Variants in HOXA3 observed in about 807,000 individuals in gnomAD.
HOXA3 encodes homeobox protein Hox-A3.
Under a neutral mutation model 30.3 loss-of-function variants are expected in HOXA3, and 8 were observed. That is an observed-to-expected ratio of 0.26 (90% CI 0.15 to 0.48). HOXA3 has a LOEUF of 0.48. Among genes scored for constraint, HOXA3 ranks in the 20% least tolerant of loss-of-function variants. The probability of loss-of-function intolerance (pLI) is 0.99; values close to 1 mark genes in which losing one functional copy is unlikely to be tolerated. For missense variants in HOXA3, 653 were observed against 614.4 expected, an observed-to-expected ratio of 1.06 and a Z score of -0.66; for synonymous variants, 323 against 273.1, an observed-to-expected ratio of 1.18 and a Z score of -1.80.
intron 1 of HOXA3, 55 bp downstream of exon 1, chr7:27,152,233 G>T: frequency 8.5e-7 from 1 of 1,181,650 alleles, no homozygotes; most frequent in East Asian, 6.3e-5. Flanking sequence ...CACCGCTACC[G>T]CCGCCGGCTG....
chr7:27,141,672 C>T (rs912606934), intron 1 of HOXA3: 21 of 781,818 alleles, frequency 2.7e-5, no homozygotes, highest in African/African-American at 7.0e-5. Context: ...CTTATACAGG[C>T]GCTATAATGG....
chr7:27,109,554 T>A (rs1784240703), intron 5 of HOXA3, among the ~76,000 whole-genome samples: 1 of 152,218 alleles, frequency 6.6e-6, no homozygotes, highest in Non-Finnish European at 1.5e-5. Context: ...CCCATTAGGA[T>A]GATAAGTCTG....
chr7:27,147,299 A>G (rs760136063), intron 1 of HOXA3: 5 of 1,610,206 alleles, frequency 3.1e-6, no homozygotes, highest in African/African-American at 1.3e-5. Context: ...GTCTTGGGAT[A>G]TGTCTTACCC....
At position 27,112,325 on chromosome 7, in the gene HOXA3, G is replaced by GT. The variant is rs564984917; in HGVS notation, c.-120-1566dup. On this transcript the variant is annotated intron_variant, in intron 4 of 5. Coordinates refer to ENST00000612286, the MANE Select transcript of HOXA3 (RefSeq NM_153631.3). Reference sequence around the variant, plus strand: ...GTTTTCCAGGAATATTAGATGCTTTGTTAACTAGAAAAAAAAAGATAATGT... The same window carrying GT: ...GTTTTCCAGGAATATTAGATGCTTTGTTTAACTAGAAAAAAAAAGATAATGT... Among the ~76,000 whole-genome samples the GT allele has an allele frequency of 4.6e-5, 7 of 152,126 alleles. No individual in the cohort carries two copies. The South Asian group carries it at 1.5e-3, about 32-fold the overall frequency.
At chr7:27,145,545 G>A in intron 1 of HOXA3, 2 of 1,323,760 alleles carry the variant, frequency 1.5e-6, no homozygotes, top group Non-Finnish European at 2.1e-6. Context: ...CTCCCCTGAA[G>A]CTGCGGAAGC....
intron 1 of HOXA3, among the ~76,000 whole-genome samples, chr7:27,149,444 C>A (rs921529403): frequency 6.6e-6 from 1 of 152,186 alleles, no homozygotes; most frequent in Non-Finnish European, 1.5e-5. Flanking sequence ...ATGACTTAGT[C>A]TCTTCCTTGC....
At chr7:27,145,839 A>G in intron 1 of HOXA3, 1 of 1,614,124 alleles carries the variant, frequency 6.2e-7, no homozygotes. Flanking sequence ...GTTGAAGTGG[A>G]ACTCCTTCTC....
rs1261543079 is a variant in HOXA3 at position 27,107,195 on chromosome 7, A to T, written c.*720T>A. Reference sequence around the variant, plus strand: ...TCTTCTCTGGTTTTATTGTATCGTTACCGTTTAAAGGAATTATATTTCTCT... The same window carrying T: ...TCTTCTCTGGTTTTATTGTATCGTTTCCGTTTAAAGGAATTATATTTCTCT... On this transcript the variant is annotated 3_prime_UTR_variant, in exon 6 of 6. Coordinates refer to ENST00000612286, the MANE Select transcript of HOXA3 (RefSeq NM_153631.3). The T allele has an allele frequency of 6.6e-6, 1 of 152,106 alleles. No homozygotes were observed. The highest frequency in any genetic ancestry group is 2.4e-5 in the African/African-American group (1 of 41,358). The allele number at this position is 152,106 out of a possible 1,614,324, so 9.4% of individuals were successfully genotyped here. A position where few individuals can be genotyped will look rare whatever the true frequency, so the allele number is the denominator to read the frequency against.
intron 1 of HOXA3, chr7:27,145,488 T>C: frequency 1.3e-6 from 1 of 790,808 alleles, no homozygotes; most frequent in South Asian, 1.7e-5. Context: ...TTTTGTTTTG[T>C]TTTGTTTTGT....
At chr7:27,139,092 C>A (rs1785807694) in intron 2 of HOXA3, among the ~76,000 whole-genome samples, 1 of 151,970 alleles carries the variant, frequency 6.6e-6, no homozygotes, top group African/African-American at 2.4e-5. Context: ...GTTTTTAATT[C>A]TACAAAGAAG....
chr7:27,129,509 C>A (rs1210308049), intron 2 of HOXA3: 1 of 1,614,016 alleles, frequency 6.2e-7, no homozygotes, highest in Non-Finnish European at 8.5e-7. Context: ...AGCTCCAAGA[C>A]CTGCTGCCGG....
chr7:27,129,554 C>T, intron 2 of HOXA3: 1 of 1,613,448 alleles, frequency 6.2e-7, no homozygotes, highest in Non-Finnish European at 8.5e-7. Context: ...GGCTCCCCTC[C>T]GTTATAACTG....
intron 2 of HOXA3, chr7:27,130,137 C>G: frequency 6.2e-7 from 1 of 1,603,632 alleles, no homozygotes; most frequent in Non-Finnish European, 8.5e-7. Flanking sequence ...CATGGATCTT[C>G]TTCATCCAGG....
rs1471562536 is a variant in HOXA3 at position 27,152,500 on chromosome 7, C to T, written c.-706G>A. Reference sequence around the variant, plus strand: ...GGCCTGGCCGGGGCTTCCCTTCGCTCGCCATCTCCGGACAAAGCACAGCCG... The same window carrying T: ...GGCCTGGCCGGGGCTTCCCTTCGCTTGCCATCTCCGGACAAAGCACAGCCG... On this transcript the variant is annotated 5_prime_UTR_variant, in exon 1 of 6. Transcript: ENST00000612286. The T allele has an allele frequency of 3.4e-6, 4 of 1,167,800 alleles. No individual in the cohort carries two copies. The highest frequency in any genetic ancestry group is 4.1e-5 in the Admixed American group (1 of 24,444). The allele number at this position is 1,167,800 out of a possible 1,614,324, so 72.3% of individuals were successfully genotyped here.
intron 5 of HOXA3, among the ~76,000 whole-genome samples, chr7:27,109,700 C>T (rs1784250039): frequency 6.6e-6 from 1 of 152,220 alleles, no homozygotes. Context: ...TTGATTCTGT[C>T]TTGGAGGGTG....
intron 1 of HOXA3, chr7:27,151,614 G>A: frequency 2.2e-6 from 1 of 456,694 alleles, no homozygotes; most frequent in South Asian, 1.5e-5. Context: ...CAGCGCTTCA[G>A]ACACCTCTCT....
chr7:27,150,606 G>A (rs1335723704), intron 1 of HOXA3: 2 of 152,474 alleles, frequency 1.3e-5, no homozygotes, highest in African/African-American at 4.8e-5. Context: ...AGGACTACAG[G>A]TAGTCTCTCC....
intron 1 of HOXA3, chr7:27,145,359 C>T: frequency 4.6e-6 from 2 of 433,056 alleles, no homozygotes; most frequent in East Asian, 7.9e-5. Context: ...CACCCCAGAA[C>T]TCCGGAGCCG....
In HOXA3 at chr7:27,108,485, G is replaced by C; in HGVS notation, c.762C>G (p.Gly254=). ...ACTGGCCCCCCGATGACGTTAGCAT[G>C]CCCTTGCCCTTCTGATCCTTTTTGT... The part of the protein sequence containing the change: ...MKYKKDQKGK[G]MLTSSGGQSP... The change falls in exon 6 of 6, where the codon GGC becomes GGG. Residue 254 remains glycine (G), a synonymous_variant. Coordinates refer to ENST00000612286, the MANE Select transcript of HOXA3 (RefSeq NM_153631.3). This position sits in a 1 kb window ranked among gnomAD's most constrained non-coding sequence, Gnocchi z 5.0. The C allele has an allele frequency of 6.2e-7, 1 of 1,614,108 alleles. No homozygotes were observed. Among genetic ancestry groups the C allele is most frequent in the Non-Finnish European group, 8.5e-7 (1 of 1,179,984 alleles).
Sources: gnomAD v4.1 joint callset for allele counts (sites outside exome capture counted in the v4.1 genomes callset) on GRCh38, gnomAD v4.1.1 for gene constraint, Gnocchi (gnomAD v3.1) non-coding constraint, MANE v1.5 for transcripts, NCBI Gene and HGNC (gene_info 2026-07-23, HGNC 2026-07-21) for gene names.